Variants in MUC4 observed in about 807,000 individuals in gnomAD.
MUC4 encodes the protein mucin 4, cell surface associated.
In MUC4, 202 loss-of-function variants were observed where a neutral mutation model predicts 257.9. The observed-to-expected ratio is 0.78, with a 90% CI of 0.70 to 0.88. MUC4 has a LOEUF of 0.88. MUC4 is among the 40% of genes least tolerant of loss of function. MUC4 has a pLI of 0.00. For missense variants in MUC4, 5,976 were observed against 6,513.7 expected (o/e 0.92, Z 2.84); for synonymous variants, 2,351 against 2,757.1 (o/e 0.85, Z 4.62).
At chr3:195,761,662 T>A in intron 14 of MUC4, 77 bp from the exon 15 acceptor site, 2 of 1,167,514 alleles carry the variant, frequency 1.7e-6, no homozygotes, top group Non-Finnish European at 2.6e-6. Flanking sequence ...GCGGACGCAG[T>A]GGGGAGAGGC....
rs1226543115 is a variant in MUC4 at position 195,783,107 on chromosome 3, CTG to C, written c.8471_8472del (p.Ser2824CysfsTer85). 2 of 1,242,746 alleles carry C rather than the reference CTG, an allele frequency of 1.6e-6. 1 individual carries two copies. The allele number at this position is 1,242,746 out of a possible 1,614,324, so 77.0% of individuals were successfully genotyped here. ...ATSLPVTDAS[S>X]VFTGHATSLP... ...AGAGAGGTGGCATGACCTGTGAACA[CTG>C]AGGAAGCGTCGGTGACAGGAAGAGA... On this transcript the variant is annotated frameshift_variant, in exon 2 of 25. Coordinates refer to ENST00000463781, the MANE Select transcript of MUC4 (RefSeq NM_018406.7). LOFTEE classifies it high-confidence loss of function.
intron 1 of MUC4, among the ~76,000 whole-genome samples, chr3:195,797,634 G>A (rs1734729876): frequency 6.6e-6 from 1 of 152,176 alleles, no homozygotes; most frequent in Non-Finnish European, 1.5e-5. Context: ...GGTTTTAGCT[G>A]GTGAAATAAG....
At position 195,760,965 on chromosome 3, in the gene MUC4, T is replaced by C. The variant is rs984932633; in HGVS notation, c.14767A>G (p.Thr4923Ala). 1 of 1,614,056 alleles carries C rather than the reference T, an allele frequency of 6.2e-7. No individual in the cohort carries two copies. The highest frequency in any genetic ancestry group is 2.2e-5 in the East Asian group (1 of 44,866). The stretch of plus-strand genomic sequence containing the variant: ...ATGCTTGCGTTGCGCAGGGCCAGGG[T>C]GTCATAGATGCATGAGCTATCTCCG... ...CDGDSSCIYD[T>A]LALRNASIGL... is the part of the protein sequence containing the mutation. Residue 4923 changes from threonine (T) to alanine (A), a missense_variant, in exon 16 of 25, where the codon ACC (threonine) becomes GCC (alanine). Coordinates refer to ENST00000463781, the MANE Select transcript of MUC4 (RefSeq NM_018406.7).
At chr3:195,774,625 G>A (rs1286819526) in intron 3 of MUC4, among the ~76,000 whole-genome samples, 1 of 152,150 alleles carries the variant, frequency 6.6e-6, no homozygotes, top group African/African-American at 2.4e-5. Flanking sequence ...GTCTATGCTG[G>A]GTGCGGTGGC....
intron 1 of MUC4, among the ~76,000 whole-genome samples, chr3:195,800,809 C>A (rs541349342): frequency 3.2e-4 from 48 of 149,542 alleles, no homozygotes; most frequent in Admixed American, 8.1e-4. Context: ...AAAATCCCAG[C>A]ACGGACAGGC....
chr3:195,757,949 A>C lies in MUC4; in HGVS notation c.14987-621T>G, dbSNP rs1560233720. Among the ~76,000 whole-genome samples, 1 of 152,200 alleles carries C rather than the reference A, an allele frequency of 6.6e-6. No homozygotes were observed. The highest frequency in any genetic ancestry group is 1.5e-5 in the Non-Finnish European group (1 of 68,032). On this transcript the variant is annotated intron_variant, in intron 17 of 24. Coordinates refer to ENST00000463781, the MANE Select transcript of MUC4 (RefSeq NM_018406.7). This position sits in a 1 kb window ranked among gnomAD's most constrained non-coding sequence, Gnocchi z 4.8. ...CGTCCTTCAGGGGTGGGGCCCGTGG[A>C]GAAGAAAACCTCTCAGTGCCATTGT...
chr3:195,752,529 GACTGC>G, intron 20 of MUC4, 83 bp from the exon 21 acceptor site: 1 of 1,192,332 alleles, frequency 8.4e-7, no homozygotes, highest in Non-Finnish European at 1.2e-6. Flanking sequence ...AGCCCAAGTT[GACTGC>G]TCCATTCCAG....
In MUC4 at chr3:195,778,835, C is replaced by G. The variant is rs1725696360; in HGVS notation, c.12745G>C (p.Ala4249Pro). Residue 4249 changes from alanine (A) to proline (P), a missense_variant, in exon 2 of 25, where the codon GCT becomes CCT. Coordinates refer to ENST00000463781, the MANE Select transcript of MUC4 (RefSeq NM_018406.7). ...TPLAVSSATSASTVSSDSPLK... is the reference protein window; with the variant it reads ...TPLAVSSATSPSTVSSDSPLK... ...GGGGAGTCCGAGGATACTGTGGAAG[C>G]TGAGGTAGCACTGCTGACAGCAAGA... 6.2e-7 allele frequency: 1 copy of G among 1,612,108 alleles called. No individual in the cohort carries two copies. The highest frequency in any genetic ancestry group is 8.5e-7 in the Non-Finnish European group (1 of 1,179,508).
At chr3:195,772,422 G>A (rs1288161934) in intron 4 of MUC4, among the ~76,000 whole-genome samples, 1 of 139,208 alleles carries the variant, frequency 7.2e-6, no homozygotes, top group Non-Finnish European at 1.6e-5. Context: ...ATCGCTCAGG[G>A]GTGTAGACAC....
chr3:195,786,385 G>A lies in MUC4; in HGVS notation c.5195C>T (p.Thr1732Ile), dbSNP rs1193840531. The A allele has an allele frequency of 2.1e-5, 32 of 1,532,118 alleles. No homozygotes were observed. The African/African-American group carries it at 2.9e-4, about 14-fold the overall frequency. 94.9% of individuals were successfully genotyped at this position (1,532,118 alleles called of 1,614,324 possible). Residue 1732 changes from threonine to isoleucine, a missense_variant, in exon 2 of 25, where the codon ACT becomes ATT. Transcript: ENST00000463781. ...ACCTGTGGATGCTGAGGAAGGGCTA[G>A]TGACAGGAAGAGGCGTGGTGTCACC... ...STGDTTPLPV[T>I]SPSSASTGHA...
At chr3:195,753,001 T>C (rs1232237169) in intron 20 of MUC4, 50 bp downstream of exon 20, 1 of 1,484,728 alleles carries the variant, frequency 6.7e-7, no homozygotes, top group Non-Finnish European at 9.2e-7. Flanking sequence ...GGTGAGAGGG[T>C]GGGGCCCAGG....
chr3:195,769,228 TC>T (rs969079633), intron 6 of MUC4, 76 bp from the exon 7 acceptor site: 7 of 1,562,722 alleles, frequency 4.5e-6, no homozygotes, highest in Non-Finnish European at 6.1e-6. Flanking sequence ...CCCCCGCCCG[TC>T]CCACAGCCCT....
At chr3:195,774,374 C>A in intron 3 of MUC4, 69 bp from the exon 4 acceptor site, 1 of 1,464,420 alleles carries the variant, frequency 6.8e-7, no homozygotes, top group Admixed American at 2.6e-5. Flanking sequence ...GAAAGGGATC[C>A]CAGAGCGCTC....
Position 195,779,042 on chromosome 3 carries a change from T to C in MUC4, c.12538A>G (p.Thr4180Ala), listed in dbSNP as rs1179436990. The change falls in exon 2 of 25, where the codon ACC becomes GCC. Residue 4180 changes from threonine (T) to alanine (A), a missense_variant. By Grantham distance (58) the Thr-to-Ala change is moderately conservative. Around this residue, in one of 44 missense-constraint regions of MUC4, gnomAD observed 293 missense variants for 294.5 expected, o/e 1.00. Transcript: ENST00000463781. ...STGHGTPLPV[T>A]STSSASTGDT... Reference sequence around the variant, plus strand: ...CCTGTGGATGCTGAGGAAGTGCTGGTGACAGGAAGAGGGGTGCCGTGACCT... The same window carrying C: ...CCTGTGGATGCTGAGGAAGTGCTGGCGACAGGAAGAGGGGTGCCGTGACCT... 1.8e-5 allele frequency: 23 copies of C among 1,281,096 alleles called. 2 individuals carry two copies. The highest frequency in any genetic ancestry group is 2.4e-5 in the Non-Finnish European group (23 of 965,776). The allele number at this position is 1,281,096 out of a possible 1,614,324, so 79.4% of individuals were successfully genotyped here.
At chr3:195,754,606 C>G (rs1717142095) in intron 18 of MUC4, among the ~76,000 whole-genome samples, 1 of 152,242 alleles carries the variant, frequency 6.6e-6, no homozygotes, top group Non-Finnish European at 1.5e-5. Context: ...ACCCTGACCC[C>G]CTGCCTGGCC....
At chr3:195,775,455 C>T (rs1228898493) in intron 3 of MUC4, among the ~76,000 whole-genome samples, 50 of 70,226 alleles carry the variant, frequency 7.1e-4, no homozygotes, top group Non-Finnish European at 9.9e-4. Flanking sequence ...CCTTCCACAC[C>T]CATACCTTCC....
At chr3:195,756,038 T>C (rs1232918027) in intron 18 of MUC4, among the ~76,000 whole-genome samples, 1 of 152,138 alleles carries the variant, frequency 6.6e-6, no homozygotes, top group East Asian at 1.9e-4. Context: ...CATGGAGAAG[T>C]AGTTTCTCCA....
rs547095108 is a variant in MUC4, at chr3:195,789,296, T to G, written c.2284A>C (p.Thr762Pro). 2.5e-6 allele frequency: 4 copies of G among 1,613,728 alleles called. No individual in the cohort carries two copies. Among genetic ancestry groups the G allele is most frequent in the East Asian group, 2.2e-5 (1 of 44,872 alleles). The change falls in exon 2 of 25, where the codon ACC becomes CCC. Residue 762 changes from threonine (T) to proline (P), a missense_variant. Physicochemically the swap from Thr to Pro is conservative, Grantham distance 38. Transcript: ENST00000463781. ...EGQWTSASAS[T>P]SPDTAAAMTH... ...ATGGCTGCTGCTGTGTCAGGTGAGG[T>G]GCTGGCAGAGGCTGATGTCCATTGT...
intron 13 of MUC4, 126 bp downstream of exon 13, chr3:195,762,729 C>T: frequency 2.6e-6 from 2 of 771,732 alleles, no homozygotes; most frequent in Non-Finnish European, 3.5e-6. Context: ...GCCACGCGCC[C>T]GGCCCTGCAC....
Sources: allele counts gnomAD v4.1 joint callset (sites outside exome capture counted in the v4.1 genomes callset), GRCh38; gene constraint gnomAD v4.1.1; regional missense constraint gnomAD v4.1.1; non-coding constraint Gnocchi (gnomAD v3.1); transcripts MANE v1.5; gene names NCBI Gene and HGNC (gene_info 2026-07-23, HGNC 2026-07-21).